Variants in TRPC4AP observed in about 807,000 individuals in gnomAD.
The protein encoded by TRPC4AP is transient receptor potential cation channel subfamily C member 4 associated protein, also known as short transient receptor potential channel 4-associated protein.
A neutral mutation model predicts 99.0 loss-of-function variants in TRPC4AP; 45 were observed. That is an observed-to-expected ratio of 0.45 (90% CI 0.36 to 0.58). The LOEUF is 0.58. TRPC4AP is among the 20% of genes least tolerant of loss of function. The probability of loss-of-function intolerance (pLI) is 0.00; values close to 1 mark genes in which losing one functional copy is unlikely to be tolerated. For synonymous variants in TRPC4AP, 408 were observed against 385.8 expected (o/e 1.06, Z -0.67); for missense variants, 879 against 985.3 (o/e 0.89, Z 1.44).
intron 1 of TRPC4AP, among the ~76,000 whole-genome samples, chr20:35,088,597 A>T (rs1218211947): frequency 6.6e-6 from 1 of 152,242 alleles, no homozygotes; most frequent in African/African-American, 2.4e-5. Flanking sequence ...CTTTTAAAAC[A>T]TATTATTTCA....
chr20:35,039,164 AC>A (rs1433338021), intron 7 of TRPC4AP, among the ~76,000 whole-genome samples: 2 of 152,124 alleles, frequency 1.3e-5, no homozygotes, highest in African/African-American at 2.4e-5. Context: ...TTACTCTTAT[AC>A]TTCTGTTCTC....
intron 7 of TRPC4AP, among the ~76,000 whole-genome samples, chr20:35,041,812 C>T (rs1402130985): frequency 6.6e-6 from 1 of 152,190 alleles, no homozygotes; most frequent in Admixed American, 6.5e-5. Context: ...ACCTTTCTAG[C>T]CCTCAGTTTC....
chr20:35,006,351 TG>T, intron 15 of TRPC4AP, 83 bp downstream of exon 15: 2 of 1,535,246 alleles, frequency 1.3e-6, no homozygotes, highest in East Asian at 4.5e-5. Flanking sequence ...ACGTAAAACC[TG>T]TGCCTAAAGC....
intron 5 of TRPC4AP, 88 bp downstream of exon 5, chr20:35,054,888 G>T: frequency 8.6e-7 from 1 of 1,165,430 alleles, no homozygotes; most frequent in Non-Finnish European, 1.3e-6. Flanking sequence ...CAGCTCTTAT[G>T]TCTGCCATTC....
intron 3 of TRPC4AP, among the ~76,000 whole-genome samples, chr20:35,061,868 C>T (rs1385876028): frequency 6.6e-6 from 1 of 152,130 alleles, no homozygotes; most frequent in African/African-American, 2.4e-5. Flanking sequence ...AAATTAAAGA[C>T]TTTGTGTTTC....
intron 2 of TRPC4AP, among the ~76,000 whole-genome samples, chr20:35,074,972 T>G (rs955875975): frequency 1.3e-5 from 2 of 152,252 alleles, no homozygotes; most frequent in Non-Finnish European, 2.9e-5. Context: ...ATATTTAGGA[T>G]AGTTAACTCT....
At chr20:35,033,574 T>G (rs193079394) in intron 8 of TRPC4AP, among the ~76,000 whole-genome samples, 71 of 152,300 alleles carry the variant, frequency 4.7e-4, no homozygotes, top group African/African-American at 1.7e-3. Flanking sequence ...TCAATTAAAT[T>G]CAGGAAGGGG....
chr20:35,013,177 C>A (rs1352642702), intron 10 of TRPC4AP, 111 bp from the exon 11 acceptor site: 3 of 933,586 alleles, frequency 3.2e-6, no homozygotes, highest in Admixed American at 2.0e-5. Flanking sequence ...TCCTCATGTA[C>A]CATGAGGACT....
intron 4 of TRPC4AP, 47 bp downstream of exon 4, chr20:35,057,467 A>T: frequency 6.6e-7 from 1 of 1,506,934 alleles, no homozygotes; most frequent in East Asian, 2.3e-5. Context: ...CTGCCACCGT[A>T]TCGGCAGGTT....
At chr20:35,036,302 G>A (rs1417769981) in intron 7 of TRPC4AP, among the ~76,000 whole-genome samples, 1 of 152,190 alleles carries the variant, frequency 6.6e-6, no homozygotes, top group Non-Finnish European at 1.5e-5. Context: ...GGCTGCCACA[G>A]TAAACAGCCA....
chr20:35,070,644 C>T (rs1182687666), intron 2 of TRPC4AP, among the ~76,000 whole-genome samples: 7 of 152,218 alleles, frequency 4.6e-5, no homozygotes, highest in Non-Finnish European at 1.0e-4. Context: ...GTGATCCACC[C>T]GCCTCGGCCT....
At chr20:35,087,754 C>A (rs929208030) in intron 1 of TRPC4AP, among the ~76,000 whole-genome samples, 1 of 152,074 alleles carries the variant, frequency 6.6e-6, no homozygotes, top group Non-Finnish European at 1.5e-5. Flanking sequence ...TCAGTAAACT[C>A]CAAAGTATCA....
Position 35,092,678 on chromosome 20 carries a change from C to T in TRPC4AP, c.104G>A (p.Gly35Asp). 1 of 1,528,508 alleles carries T rather than the reference C, an allele frequency of 6.5e-7. No individual in the cohort carries two copies. The allele number at this position is 1,528,508 out of a possible 1,614,324, so 94.7% of individuals were successfully genotyped here. The change falls in exon 1 of 19, where the codon GGT (glycine) becomes GAT (aspartate). Residue 35 changes from glycine (G) to aspartate (D), a missense_variant. Physicochemically the swap from Gly to Asp is moderately conservative, Grantham distance 94. Around this residue, in one of 3 missense-constraint regions of TRPC4AP, gnomAD observed 603 missense variants for 631.8 expected, o/e 0.95. Coordinates refer to ENST00000252015, the MANE Select transcript of TRPC4AP (RefSeq NM_015638.3). ...CTGCCGCAGCTGCAGCAGAATGTTACCAGGCCGCGGCCGGCCGCCCCATCC... is the reference window on the plus strand; with the variant it reads ...CTGCCGCAGCTGCAGCAGAATGTTATCAGGCCGCGGCCGGCCGCCCCATCC... ...WGGWGGRPRP[G>D]NILLQLRQGQ... is the part of the protein sequence containing the mutation.
At chr20:35,086,239 G>A (rs995608753) in intron 1 of TRPC4AP, among the ~76,000 whole-genome samples, 4 of 152,036 alleles carry the variant, frequency 2.6e-5, no homozygotes, top group Non-Finnish European at 5.9e-5. Context: ...AATTACAGGT[G>A]TGAGCCACCG....
At position 35,049,956 on chromosome 20, in the gene TRPC4AP, G is replaced by A; in HGVS notation, c.567C>T (p.Asp189=). The A allele has an allele frequency of 6.2e-7, 1 of 1,613,986 alleles. No homozygotes were observed. Among genetic ancestry groups the A allele is most frequent in the Non-Finnish European group, 8.5e-7 (1 of 1,179,940 alleles). Residue 189 remains aspartate (D), a synonymous_variant, in exon 6 of 19, where the codon GAC becomes GAT. Coordinates refer to ENST00000252015, the MANE Select transcript of TRPC4AP (RefSeq NM_015638.3). The part of the protein sequence containing the change: ...GVTKRLAEKN[D]FVIFLFTLMT... Reference sequence around the variant, plus strand: ...TCAATGTAAACAGGAAGATCACAAAGTCATTCTTTTCTGCCAAACGCTTTG... The same window carrying A: ...TCAATGTAAACAGGAAGATCACAAAATCATTCTTTTCTGCCAAACGCTTTG...
At chr20:35,016,315 C>T (rs900339001) in intron 9 of TRPC4AP, among the ~76,000 whole-genome samples, 176 bp from the exon 10 acceptor site, 4 of 152,140 alleles carry the variant, frequency 2.6e-5, no homozygotes, top group Non-Finnish European at 4.4e-5. Flanking sequence ...ACACACAAAC[C>T]CACTTTCTAA....
In TRPC4AP at chr20:35,078,040, A is replaced by G. The variant is rs1205393983; in HGVS notation, c.297+6T>C. On this transcript the variant is annotated splice_donor_region_variant and intron_variant, in intron 2 of 18. Transcript: ENST00000252015. ...AATACGCCCCTCCAAGGTCCTTAAG[A>G]GTTACCTTGAGGATGTTTTGACACT... 2 of 1,611,282 alleles carry G rather than the reference A, an allele frequency of 1.2e-6. No homozygotes were observed. The highest frequency in any genetic ancestry group is 2.2e-5 in the East Asian group (1 of 44,822).
intron 3 of TRPC4AP, among the ~76,000 whole-genome samples, chr20:35,060,584 C>CGA (rs1569133058): frequency 4.4e-5 from 2 of 45,888 alleles, no homozygotes; most frequent in African/African-American, 7.7e-5. Context: ...GACCTTGTCT[C>CGA]CAAAAAAAAA....
intron 1 of TRPC4AP, among the ~76,000 whole-genome samples, chr20:35,089,819 C>G (rs1001248267): frequency 1.3e-5 from 2 of 151,998 alleles, no homozygotes; most frequent in African/African-American, 2.4e-5. Flanking sequence ...GCACTCCAGT[C>G]TGGGCAACAG....
Sources: gnomAD v4.1 joint callset for allele counts (sites outside exome capture counted in the v4.1 genomes callset) on GRCh38, gnomAD v4.1.1 for gene constraint, gnomAD v4.1.1 regional missense constraint, MANE v1.5 for transcripts, NCBI Gene and HGNC (gene_info 2026-07-23, HGNC 2026-07-21) for gene names.